The following ADGRB2 variants were observed in gnomAD, a reference collection of about 807,000 sequenced individuals.
ADGRB2 encodes brain-specific angiogenesis inhibitor 2.
ADGRB2 carries 47 observed loss-of-function variants against 178.7 expected under a neutral mutation model. The ratio of observed to expected loss-of-function variants is 0.26; its 90% CI spans 0.21 to 0.34. The LOEUF is 0.34. Among genes scored for constraint, ADGRB2 ranks in the 10% least tolerant of loss-of-function variants. The pLI is 1.00. For missense variants in ADGRB2, 1,584 were observed against 2,180.8 expected (o/e 0.73, Z 5.45); for synonymous variants, 870 against 912.4 (o/e 0.95, Z 0.84).
chr1:31,738,348 G>C, intron 17 of ADGRB2, 22 bp from the exon 18 acceptor site: 2 of 1,607,996 alleles, frequency 1.2e-6, no homozygotes, highest in African/African-American at 1.4e-5. Context: ...GAGAGATTCA[G>C]TGAGCCCCAG....
rs1340992939 is a variant in ADGRB2, at chr1:31,756,147, C to T, written c.690G>A (p.Gly230=). The part of the protein sequence containing the change: ...QPGCSCPGEA[G]AGSTTTTSPG... ...GAGATGTGGTGGTGGTGGAGCCGGC[C>T]CCCGCCTCTCCAGGGCAGCTGCAGC... Residue 230 remains glycine, a synonymous_variant, in exon 4 of 33, where the codon GGG becomes GGA. Coordinates refer to ENST00000373658, the MANE Select transcript of ADGRB2 (RefSeq NM_001364857.2). This position sits in a 1 kb window ranked among gnomAD's most constrained non-coding sequence, Gnocchi z 8.5. 2 of 1,613,496 alleles carry T rather than the reference C, an allele frequency of 1.2e-6. No individual in the cohort carries two copies. Among genetic ancestry groups the T allele is most frequent in the Non-Finnish European group, 8.5e-7 (1 of 1,179,876 alleles).
Position 31,741,449 on chromosome 1 carries a change from G to A in ADGRB2, c.1718C>T (p.Ala573Val), listed in dbSNP as rs1188206810. 1 of 1,602,932 alleles carries A rather than the reference G, an allele frequency of 6.2e-7. No homozygotes were observed. Among genetic ancestry groups the A allele is most frequent in the South Asian group, 1.1e-5 (1 of 89,250 alleles). Residue 573 changes from alanine (A) to valine (V), a missense_variant, in exon 11 of 33, where the codon GCC becomes GTC. Physicochemically the swap from Ala to Val is moderately conservative, Grantham distance 64. Around this residue, in one of 3 missense-constraint regions of ADGRB2, gnomAD observed 657 missense variants for 847.6 expected, o/e 0.78. Transcript: ENST00000373658. The surrounding 1 kb of genome is among the most constrained non-coding windows in gnomAD (Gnocchi z 6.5). Reference protein sequence around the residue: ...GSASRRCLLSAQGVAYWGLPS... With the variant: ...GSASRRCLLSVQGVAYWGLPS... ...CAGCCCCCAGTACGCCACGCCTTGG[G>A]CACTGAGGAGACAGCGGCGGCTGGC... is the stretch of plus-strand genomic sequence containing the variant.
chr1:31,755,926 C>G lies in ADGRB2; in HGVS notation c.838+73G>C. The G allele has an allele frequency of 6.5e-7, 1 of 1,532,546 alleles. No homozygotes were observed. Among genetic ancestry groups the G allele is most frequent in the South Asian group, 1.3e-5 (1 of 79,314 alleles). 94.9% of individuals were successfully genotyped at this position (1,532,546 alleles called of 1,614,324 possible). The stretch of plus-strand genomic sequence containing the variant: ...AACAGCTACATGCATGGCCGAGGAT[C>G]TGCCAGGATGGACACCAGGGACACT... On this transcript the variant is annotated intron_variant, in intron 4 of 32. Transcript: ENST00000373658. The surrounding 1 kb of genome is among the most constrained non-coding windows in gnomAD (Gnocchi z 5.1).
intron 29 of ADGRB2, among the ~76,000 whole-genome samples, chr1:31,730,111 G>A (rs1645201727): frequency 6.6e-6 from 1 of 152,182 alleles, no homozygotes; most frequent in Admixed American, 6.5e-5. Flanking sequence ...TCCACAGCAG[G>A]CCACTACTGT....
chr1:31,739,390 G>T lies in ADGRB2; in HGVS notation c.2413C>A (p.Pro805Thr), dbSNP rs542307529. The change falls in exon 15 of 33, where the codon CCA (proline) becomes ACA (threonine). Residue 805 changes from proline (P) to threonine (T), a missense_variant. This residue lies in a region of ADGRB2 where 865 missense variants were observed against 1,192.8 expected (regional missense o/e 0.73). Transcript: ENST00000373658. The part of the protein sequence containing the change: ...GPGHSHQRLL[P>T]ADPDESSYFV... ...TAGGAGGACTCATCAGGGTCTGCTG[G>T]GAGGAGGCGCTGGTGGGAGTGGCCT... 7 of 1,543,398 alleles carry T rather than the reference G, an allele frequency of 4.5e-6. No individual in the cohort carries two copies. Among genetic ancestry groups the T allele is most frequent in the African/African-American group, 1.4e-5 (1 of 73,370 alleles).
chr1:31,744,154 C>A lies in ADGRB2; in HGVS notation c.1087+39G>T. The A allele has an allele frequency of 6.7e-7, 1 of 1,491,788 alleles. No individual in the cohort carries two copies. Among genetic ancestry groups the A allele is most frequent in the Non-Finnish European group, 9.0e-7 (1 of 1,116,346 alleles). 92.4% of individuals were successfully genotyped at this position (1,491,788 alleles called of 1,614,324 possible). ...TGCCCAAGTCCCAGGCAGGACCTAA[C>A]CCTGCAGGCAGGTGGGGTGGGGAGG... On this transcript the variant is annotated intron_variant, in intron 6 of 32. Transcript: ENST00000373658. This position sits in a 1 kb window ranked among gnomAD's most constrained non-coding sequence, Gnocchi z 6.7.
rs781196409 is a variant in ADGRB2 at position 31,739,651 on chromosome 1, G to T, written c.2168-16C>A. The T allele has an allele frequency of 1.9e-6, 3 of 1,563,544 alleles. No individual in the cohort carries two copies. Among genetic ancestry groups the T allele is most frequent in the African/African-American group, 2.7e-5 (2 of 73,882 alleles). ...ATGCTGATCACTGCAGTGGGAGGAG[G>T]GTGGACAGAGACAGACAGAGGGGCA... On this transcript the variant is annotated splice_polypyrimidine_tract_variant and intron_variant, in intron 14 of 32. Transcript: ENST00000373658.
rs1647138113 is a variant in ADGRB2 at position 31,764,248 on chromosome 1, T to A, written c.-555A>T. On this transcript the variant is annotated 5_prime_UTR_variant, in exon 1 of 33. The change abolishes an upstream ATG in the 5' untranslated region. Transcript: ENST00000373658. The surrounding 1 kb of genome is among the most constrained non-coding windows in gnomAD (Gnocchi z 7.3). ...CCGGGCTCTGAGAGCCGGTGCCGCATCCTCTTCGGTCTCTGAGCGCCGCCG... is the reference window on the plus strand; with the variant it reads ...CCGGGCTCTGAGAGCCGGTGCCGCAACCTCTTCGGTCTCTGAGCGCCGCCG... 1 of 166,986 alleles carries A rather than the reference T, an allele frequency of 6.0e-6. No homozygotes were observed. Among genetic ancestry groups the A allele is most frequent in the African/African-American group, 2.5e-5 (1 of 39,616 alleles). The allele number at this position is 166,986 out of a possible 1,614,324, so 10.3% of individuals were successfully genotyped here.
chr1:31,763,563 G>C (rs989256559), intron 1 of ADGRB2, among the ~76,000 whole-genome samples: 1 of 146,350 alleles, frequency 6.8e-6, no homozygotes, highest in Non-Finnish European at 1.5e-5. Flanking sequence ...GGAAAGACTC[G>C]AGACAGCAAG....
At chr1:31,749,045 G>A (rs984750926) in intron 4 of ADGRB2, among the ~76,000 whole-genome samples, 7 of 152,128 alleles carry the variant, frequency 4.6e-5, no homozygotes, top group South Asian at 4.1e-4. Context: ...GGACCTCCTC[G>A]GAGACACCTT....
In ADGRB2 at chr1:31,735,905, G is replaced by A; in HGVS notation, c.3201-12C>T. 1.3e-6 allele frequency: 2 copies of A among 1,578,834 alleles called. No homozygotes were observed. Among genetic ancestry groups the A allele is most frequent in the Non-Finnish European group, 1.7e-6 (2 of 1,162,250 alleles). On this transcript the variant is annotated splice_polypyrimidine_tract_variant and intron_variant, in intron 22 of 32. Transcript: ENST00000373658. The surrounding 1 kb of genome is among the most constrained non-coding windows in gnomAD (Gnocchi z 6.0). ...GGGAGAGCCAGCAGCTGGGGTGGGG[G>A]AGAAGAAGGGTGTCAGACACCCAGC...
intron 29 of ADGRB2, 144 bp downstream of exon 29, chr1:31,730,656 C>T: frequency 8.7e-7 from 1 of 1,150,078 alleles, no homozygotes; most frequent in Non-Finnish European, 1.1e-6. Context: ...CTGCCATGAG[C>T]AGAAACAGAG....
intron 4 of ADGRB2, among the ~76,000 whole-genome samples, chr1:31,745,528 C>A (rs1319863671): frequency 1.3e-5 from 2 of 152,206 alleles, no homozygotes; most frequent in African/African-American, 4.8e-5. Context: ...TTCTCCAAAG[C>A]CTGGCCCTCC....
At chr1:31,763,685 G>A (rs1647116237) in intron 1 of ADGRB2, among the ~76,000 whole-genome samples, 199 bp downstream of exon 1, 2 of 151,952 alleles carry the variant, frequency 1.3e-5, no homozygotes, top group African/African-American at 2.4e-5. Flanking sequence ...CAGCGATTAA[G>A]GGGGCCTCGG....
rs1230855552 is a variant in ADGRB2, at chr1:31,733,121, C to T, written c.3475G>A (p.Val1159Met). The T allele has an allele frequency of 3.2e-6, 5 of 1,585,704 alleles. No individual in the cohort carries two copies. The highest frequency in any genetic ancestry group is 1.8e-5 in the Admixed American group (1 of 55,986). Residue 1159 changes from valine to methionine, a missense_variant, in exon 26 of 33, where the codon GTG becomes ATG. This residue lies in a region of ADGRB2 where 865 missense variants were observed against 1,192.8 expected (regional missense o/e 0.73). Coordinates refer to ENST00000373658, the MANE Select transcript of ADGRB2 (RefSeq NM_001364857.2). The surrounding 1 kb of genome is among the most constrained non-coding windows in gnomAD (Gnocchi z 4.3). ...NAMASLWSSC[V>M]VLPLLALTWM... is the part of the protein sequence containing the mutation. ...GTGAGCGCCAGCAGGGGCAGCACCA[C>T]GCAGGAGCTCCAGAGTGAGGCCCTG...
chr1:31,741,483 C>T lies in ADGRB2; in HGVS notation c.1688-4G>A. On this transcript the variant is annotated splice_region_variant and splice_polypyrimidine_tract_variant and intron_variant, in intron 10 of 32. Transcript: ENST00000373658. The surrounding 1 kb of genome is among the most constrained non-coding windows in gnomAD (Gnocchi z 6.5). ...AGACAGCGGCGGCTGGCAGACCCTGCAGGGCAATAGGACAGAGGTCTGGGC... is the reference window on the plus strand; with the variant it reads ...AGACAGCGGCGGCTGGCAGACCCTGTAGGGCAATAGGACAGAGGTCTGGGC... The T allele has an allele frequency of 6.3e-7, 1 of 1,586,618 alleles. No individual in the cohort carries two copies. Among genetic ancestry groups the T allele is most frequent in the Admixed American group, 1.8e-5 (1 of 55,054 alleles).
At chr1:31,738,705 G>T in intron 16 of ADGRB2, 75 bp from the exon 17 acceptor site, 1 of 1,593,684 alleles carries the variant, frequency 6.3e-7, no homozygotes, top group Non-Finnish European at 8.6e-7. Flanking sequence ...TGCCATGGGG[G>T]CCACAGCAGC....
At chr1:31,746,924 TC>T (rs1294137924) in intron 4 of ADGRB2, among the ~76,000 whole-genome samples, 1 of 152,194 alleles carries the variant, frequency 6.6e-6, no homozygotes, top group African/African-American at 2.4e-5. Flanking sequence ...GTTTCCCTCC[TC>T]CGTCAGTGAC....
In ADGRB2 at chr1:31,755,313, C is replaced by G. The variant is rs545662720; in HGVS notation, c.838+686G>C. Reference sequence around the variant, plus strand: ...CGGGAGCAGGCAGGACTCAAGGGCTCGCAGAGCTTTTGCCCAGTCAGCAGG... The same window carrying G: ...CGGGAGCAGGCAGGACTCAAGGGCTGGCAGAGCTTTTGCCCAGTCAGCAGG... On this transcript the variant is annotated intron_variant, in intron 4 of 32. Transcript: ENST00000373658. The surrounding 1 kb of genome is among the most constrained non-coding windows in gnomAD (Gnocchi z 5.1). Among the ~76,000 whole-genome samples the G allele has an allele frequency of 3.3e-5, 5 of 152,140 alleles. No individual in the cohort carries two copies. The East Asian group carries it at 9.7e-4, about 29-fold the overall frequency.
Sources: allele counts gnomAD v4.1 joint callset (sites outside exome capture counted in the v4.1 genomes callset), GRCh38; gene constraint gnomAD v4.1.1; regional missense constraint gnomAD v4.1.1; non-coding constraint Gnocchi (gnomAD v3.1); transcripts MANE v1.5; gene names NCBI Gene and HGNC (gene_info 2026-07-23, HGNC 2026-07-21).